Variants in CTNND2 observed in about 807,000 individuals in gnomAD.
The protein encoded by CTNND2 is catenin delta-2.
In CTNND2, 22 loss-of-function variants were observed where a neutral mutation model predicts 144.4. That is an observed-to-expected ratio of 0.15 (90% confidence interval 0.11 to 0.22). CTNND2 has a LOEUF of 0.22. CTNND2 is among the 10% of genes least tolerant of loss of function. The pLI is 1.00. For missense variants in CTNND2, 1,353 were observed against 1,618.8 expected (o/e 0.84, Z 2.82); for synonymous variants, 751 against 695.6 (o/e 1.08, Z -1.25).
At chr5:11,537,515 T>C (rs190561858) in intron 3 of CTNND2, among the ~76,000 whole-genome samples, 5 of 152,346 alleles carry the variant, frequency 3.3e-5, no homozygotes, top group Admixed American at 3.3e-4. Flanking sequence ...TTCTCAGGTA[T>C]TGTAGGATTC....
intron 9 of CTNND2, among the ~76,000 whole-genome samples, chr5:11,316,274 G>A (rs1484750807): frequency 6.6e-6 from 1 of 151,894 alleles, no homozygotes; most frequent in East Asian, 1.9e-4. Flanking sequence ...TCCCCAGGCT[G>A]GAGTGTAGTG....
At chr5:11,555,516 G>A (rs756608456) in intron 3 of CTNND2, among the ~76,000 whole-genome samples, 1 of 152,130 alleles carries the variant, frequency 6.6e-6, no homozygotes, top group Non-Finnish European at 1.5e-5. Flanking sequence ...TGCTATTCGG[G>A]AGGAGAAAGA....
chr5:11,301,713 T>C (rs2150033829), intron 9 of CTNND2, among the ~76,000 whole-genome samples: 1 of 152,256 alleles, frequency 6.6e-6, no homozygotes, highest in Non-Finnish European at 1.5e-5. Flanking sequence ...TGAAAACATA[T>C]TTTGTGTTTT....
rs1343971979 is a variant in CTNND2, at chr5:11,283,231, T to C, written c.1629-46408A>G. 2.6e-5 allele frequency among the ~76,000 whole-genome samples: 4 copies of C among 152,170 alleles called. No homozygotes were observed. The East Asian group carries it at 7.7e-4, about 29-fold the overall frequency. ...TAGTCAGACAAAATTAAGATTTTTTTCCCATCCTGTATGGGAATTGAAATC... is the reference window on the plus strand; with the variant it reads ...TAGTCAGACAAAATTAAGATTTTTTCCCCATCCTGTATGGGAATTGAAATC... On this transcript the variant is annotated intron_variant, in intron 9 of 21. Transcript: ENST00000304623.
At chr5:11,607,031 A>G (rs374787268) in intron 2 of CTNND2, among the ~76,000 whole-genome samples, 11 of 152,232 alleles carry the variant, frequency 7.2e-5, no homozygotes, top group Admixed American at 7.2e-4. Flanking sequence ...ATTTAGAGAC[A>G]GGCACACAGG....
At chr5:11,823,979 G>A (rs999629373) in intron 1 of CTNND2, among the ~76,000 whole-genome samples, 1 of 151,122 alleles carries the variant, frequency 6.6e-6, no homozygotes, top group African/African-American at 2.4e-5. Context: ...ATGGTGGCGG[G>A]ATGCCTGTAA....
intron 3 of CTNND2, among the ~76,000 whole-genome samples, chr5:11,564,046 G>C (rs988672693): frequency 3.9e-5 from 6 of 152,178 alleles, no homozygotes; most frequent in African/African-American, 1.4e-4. Context: ...ATTCAGGATG[G>C]AGCCATAGGG....
At chr5:11,129,275 A>G (rs1373104822) in intron 12 of CTNND2, among the ~76,000 whole-genome samples, 25 of 70,462 alleles carry the variant, frequency 3.5e-4, no homozygotes, top group Non-Finnish European at 6.7e-4. Context: ...ATATAAATAT[A>G]TATTATATAA....
chr5:11,759,666 T>C (rs1259479075), intron 1 of CTNND2, among the ~76,000 whole-genome samples: 2 of 152,168 alleles, frequency 1.3e-5, no homozygotes, highest in African/African-American at 4.8e-5. Context: ...GTTATACATA[T>C]GAGGTAATAA....
intron 10 of CTNND2, among the ~76,000 whole-genome samples, chr5:11,228,979 A>AT (rs1740672385): frequency 6.6e-6 from 1 of 152,170 alleles, no homozygotes; most frequent in Admixed American, 6.5e-5. Context: ...ATCAATATTG[A>AT]TTTCCTAGAG....
intron 8 of CTNND2, among the ~76,000 whole-genome samples, chr5:11,362,316 T>C (rs968592570): frequency 6.6e-6 from 1 of 152,238 alleles, no homozygotes; most frequent in African/African-American, 2.4e-5. Flanking sequence ...ATATATGATG[T>C]CTTTAATATC....
At chr5:11,611,238 G>A (rs747293669) in intron 2 of CTNND2, among the ~76,000 whole-genome samples, 38 of 152,102 alleles carry the variant, frequency 2.5e-4, no homozygotes, top group African/African-American at 4.1e-4. Flanking sequence ...GTAAGTTTCC[G>A]GAGGCCTCGT....
intron 14 of CTNND2, among the ~76,000 whole-genome samples, chr5:11,099,751 A>G (rs760396543): frequency 2.0e-5 from 3 of 152,204 alleles, no homozygotes; most frequent in Non-Finnish European, 2.9e-5. Flanking sequence ...GTCTTTTGTG[A>G]AAATAATGAC....
intron 7 of CTNND2, among the ~76,000 whole-genome samples, chr5:11,373,419 G>C (rs1757636579): frequency 6.6e-6 from 1 of 152,128 alleles, no homozygotes; most frequent in South Asian, 2.1e-4. Flanking sequence ...GAACATTTTT[G>C]CTATGATTAT....
At chr5:11,634,935 G>C (rs1484417688) in intron 2 of CTNND2, among the ~76,000 whole-genome samples, 1 of 151,990 alleles carries the variant, frequency 6.6e-6, no homozygotes, top group African/African-American at 2.4e-5. Context: ...AACCTTTAGA[G>C]CAATTTTAAT....
At position 11,688,039 on chromosome 5, in the gene CTNND2, G is replaced by A. The variant is rs914468862; in HGVS notation, c.174+44097C>T. 2.0e-5 allele frequency among the ~76,000 whole-genome samples: 3 copies of A among 152,178 alleles called. 1 individual carries two copies. The South Asian group carries it at 6.2e-4, about 31-fold the overall frequency. ...GGAACCGAATTTTGCCTGGGCGAGT[G>A]ATAATGAAATCAAAGAGAAAAGTGG... On this transcript the variant is annotated intron_variant, in intron 2 of 21. Coordinates refer to ENST00000304623, the MANE Select transcript of CTNND2 (RefSeq NM_001332.4).
chr5:11,661,659 G>C (rs548064057), intron 2 of CTNND2, among the ~76,000 whole-genome samples: 8 of 152,014 alleles, frequency 5.3e-5, no homozygotes, highest in African/African-American at 1.4e-4. Flanking sequence ...AGTAACTTTT[G>C]TAACAACTGC....
rs147553654 is a variant in CTNND2 at position 11,740,732 on chromosome 5, C to T, written c.38-8460G>A. On this transcript the variant is annotated intron_variant, in intron 1 of 21. Transcript: ENST00000304623. ...AAGAGCTTATGCATAGCAAAAGAAA[C>T]TATCATCAGAGTGAACAGGCAACCT... Among the ~76,000 whole-genome samples, 749 of 152,220 alleles carry T rather than the reference C, an allele frequency of 4.9e-3. 3 individuals carry two copies. The highest frequency in any genetic ancestry group is 0.017 in the African/African-American group (696 of 41,546).
chr5:11,775,966 A>G (rs907833053), intron 1 of CTNND2, among the ~76,000 whole-genome samples: 6 of 152,260 alleles, frequency 3.9e-5, no homozygotes, highest in African/African-American at 1.4e-4. Context: ...AGGGTAGAGT[A>G]TCCTGCCACG....
Sources: gnomAD v4.1 joint callset for allele counts (sites outside exome capture counted in the v4.1 genomes callset) on GRCh38, gnomAD v4.1.1 for gene constraint, MANE v1.5 for transcripts, NCBI Gene and HGNC (gene_info 2026-07-23, HGNC 2026-07-21) for gene names.